MRPS21: variants seen among roughly 807,000 people sequenced by gnomAD.
MRPS21 encodes the protein small ribosomal subunit protein bS21m.
A neutral mutation model predicts 9.9 loss-of-function variants in MRPS21; 8 were observed. That is an observed-to-expected ratio of 0.81 (90% confidence interval 0.47 to 1.45). The LOEUF (loss-of-function observed/expected upper bound fraction) is 1.45, where lower values mean the gene tolerates loss of function less well. MRPS21 is among the 40% of genes most tolerant of loss of function. The pLI, the probability that MRPS21 is intolerant of heterozygous loss-of-function variation, is 0.00. For synonymous variants in MRPS21, 40 were observed against 40.3 expected (o/e 0.99, Z 0.03); for missense variants, 101 against 118.9 (o/e 0.85, Z 0.70).
intron 2 of MRPS21, among the ~76,000 whole-genome samples, chr1:150,299,865 C>T (rs1337500969): frequency 8.1e-6 from 1 of 122,804 alleles, no homozygotes; most frequent in Non-Finnish European, 1.6e-5. Context: ...CAGTGTGACA[C>T]CCTGTGGTTT....
intron 2 of MRPS21, chr1:150,303,917 ATTTTG>A (rs1553858033): frequency 6.6e-6 from 3 of 455,990 alleles, no homozygotes; most frequent in South Asian, 4.6e-5. Flanking sequence ...TTTGCCAAGT[ATTTTG>A]TTAGGTGCAA....
chr1:150,299,433 T>TTC (rs1472798566), intron 2 of MRPS21, among the ~76,000 whole-genome samples: 5 of 151,148 alleles, frequency 3.3e-5, no homozygotes, highest in African/African-American at 1.2e-4. Flanking sequence ...TTTCCTGTTT[T>TTC]TTTTTCTGTT....
intron 2 of MRPS21, among the ~76,000 whole-genome samples, chr1:150,303,642 C>A (rs1654221866): frequency 6.6e-6 from 1 of 152,204 alleles, no homozygotes; most frequent in Admixed American, 6.5e-5. Flanking sequence ...TTGGGCGGGT[C>A]AGCCTCTCTG....
chr1:150,308,046 A>C lies in MRPS21; in HGVS notation c.84-2A>C. On this transcript the variant is annotated splice_acceptor_variant, in intron 2 of 2. Coordinates refer to ENST00000614145, the MANE Select transcript of MRPS21 (RefSeq NM_031901.6). LOFTEE classifies it high-confidence loss of function. ...CTAACCTCATTGCTTGCCTTTATAC[A>C]GAATCCTCACTATGGATGGGCTCAT... 3.2e-6 allele frequency: 5 copies of C among 1,575,072 alleles called. No individual in the cohort carries two copies. Among genetic ancestry groups the C allele is most frequent in the Non-Finnish European group, 4.4e-6 (5 of 1,148,864 alleles).
At chr1:150,300,908 A>G (rs929923265) in intron 2 of MRPS21, among the ~76,000 whole-genome samples, 1 of 152,174 alleles carries the variant, frequency 6.6e-6, no homozygotes, top group Non-Finnish European at 1.5e-5. Context: ...GGTTAGAAAA[A>G]TAAATTTGGC....
At chr1:150,301,680 A>G (rs1378631276) in intron 2 of MRPS21, among the ~76,000 whole-genome samples, 2 of 150,424 alleles carry the variant, frequency 1.3e-5, no homozygotes, top group Admixed American at 1.3e-4. Context: ...GTCTCGCCTC[A>G]CTGCAACCTC....
chr1:150,307,412 C>T (rs1375804742), intron 2 of MRPS21, among the ~76,000 whole-genome samples: 5 of 132,812 alleles, frequency 3.8e-5, no homozygotes, highest in African/African-American at 1.4e-4. Flanking sequence ...GGCTGGAATG[C>T]AGTGGTAGGA....
At chr1:150,302,182 G>A (rs543179) in intron 2 of MRPS21, among the ~76,000 whole-genome samples, 70,280 of 151,962 alleles carry the variant, frequency 0.46, 17,135 homozygotes, top group East Asian at 0.76. Flanking sequence ...TACAACAATA[G>A]GTAGGAGAGC....
chr1:150,305,787 G>T (rs1372092956), intron 2 of MRPS21, among the ~76,000 whole-genome samples: 1 of 152,114 alleles, frequency 6.6e-6, no homozygotes, highest in African/African-American at 2.4e-5. Context: ...TAGAGATGGG[G>T]TTTCACCATG....
chr1:150,295,152 C>T (rs1430182783), intron 2 of MRPS21, among the ~76,000 whole-genome samples: 2 of 151,828 alleles, frequency 1.3e-5, no homozygotes, highest in Non-Finnish European at 2.9e-5. Flanking sequence ...CCCGCCACCA[C>T]GCCCGGTTAA....
intron 2 of MRPS21, among the ~76,000 whole-genome samples, chr1:150,299,675 G>A (rs1008314031): frequency 6.6e-6 from 1 of 151,974 alleles, no homozygotes; most frequent in Non-Finnish European, 1.5e-5. Context: ...GGCTGGTCTC[G>A]AACTCCTGAC....
At chr1:150,302,095 T>A (rs1654157909) in intron 2 of MRPS21, among the ~76,000 whole-genome samples, 1 of 152,156 alleles carries the variant, frequency 6.6e-6, no homozygotes, top group Non-Finnish European at 1.5e-5. Context: ...TTTCTCACAC[T>A]CCAGGCCTCT....
chr1:150,307,347 CCTTTT>C (rs1560067687), intron 2 of MRPS21, among the ~76,000 whole-genome samples: 3 of 3,278 alleles, frequency 9.2e-4, no homozygotes, highest in Non-Finnish European at 6.1e-3. Flanking sequence ...TGTGCCCAGT[CCTTTT>C]TTTTTTTTTT....
At chr1:150,307,348 C>CGTT (rs1654376892) in intron 2 of MRPS21, among the ~76,000 whole-genome samples, 3 of 87,552 alleles carry the variant, frequency 3.4e-5, no homozygotes, top group African/African-American at 1.3e-4. Context: ...GTGCCCAGTC[C>CGTT]TTTTTTTTTT....
At chr1:150,296,491 G>A (rs1264481477) in intron 2 of MRPS21, among the ~76,000 whole-genome samples, 1 of 152,170 alleles carries the variant, frequency 6.6e-6, no homozygotes, top group Non-Finnish European at 1.5e-5. Flanking sequence ...GAACCCAGGA[G>A]TTCAAGACTG....
rs192365437 is a variant in MRPS21 at position 150,297,067 on chromosome 1, G to A, written c.83+2618G>A. On this transcript the variant is annotated intron_variant, in intron 2 of 2. Transcript: ENST00000614145. ...AGCACTTTGGGAGGCCAAGGCGGGC[G>A]GATCACGAGGTCAGGACATCGAGAC... 5.8e-4 allele frequency among the ~76,000 whole-genome samples: 88 copies of A among 152,102 alleles called. 1 individual carries two copies. Among genetic ancestry groups the A allele is most frequent in the African/African-American group, 1.8e-3 (74 of 41,494 alleles).
At chr1:150,305,094 A>C in intron 2 of MRPS21, 1 of 280,038 alleles carries the variant, frequency 3.6e-6, no homozygotes, top group Non-Finnish European at 7.0e-6. Context: ...CAGTGCCACA[A>C]TCATGGCTCA....
intron 2 of MRPS21, among the ~76,000 whole-genome samples, chr1:150,306,581 C>A (rs1216357354): frequency 1.3e-5 from 2 of 152,102 alleles, no homozygotes; most frequent in Non-Finnish European, 2.9e-5. Flanking sequence ...CTGCAATCTC[C>A]GCCCCCAGGG....
At chr1:150,305,251 C>T (rs1195824966) in intron 2 of MRPS21, among the ~76,000 whole-genome samples, 1 of 151,970 alleles carries the variant, frequency 6.6e-6, no homozygotes, top group African/African-American at 2.4e-5. Context: ...GTTGCTCAGG[C>T]TAGTGTCAAA....
Sources: gnomAD v4.1 joint callset for allele counts (sites outside exome capture counted in the v4.1 genomes callset) on GRCh38, gnomAD v4.1.1 for gene constraint, MANE v1.5 for transcripts, NCBI Gene and HGNC (gene_info 2026-07-23, HGNC 2026-07-21) for gene names.